The following MRC2 variants were observed in gnomAD, a reference collection of about 807,000 sequenced individuals.
MRC2 encodes mannose receptor C-type 2.
MRC2 carries 84 observed loss-of-function variants against 206.2 expected under a neutral mutation model. The ratio of observed to expected loss-of-function variants is 0.41; its 90% CI spans 0.34 to 0.49. The LOEUF is 0.49. MRC2 is among the 20% of genes least tolerant of loss of function. The pLI is 0.31. For synonymous variants in MRC2, 798 were observed against 800.0 expected (o/e 1.00, Z 0.04); for missense variants, 1,676 against 2,001.5 (o/e 0.84, Z 3.10).
rs1342350696 is a variant in MRC2 at position 62,664,436 on chromosome 17, C to T, written c.119-112C>T. 1.9e-5 allele frequency: 23 copies of T among 1,214,432 alleles called. No homozygotes were observed. The highest frequency in any genetic ancestry group is 6.7e-5 in the Admixed American group (3 of 44,984). 75.2% of individuals were successfully genotyped at this position (1,214,432 alleles called of 1,614,324 possible). A position where few individuals can be genotyped will look rare whatever the true frequency, so the allele number is the denominator to read the frequency against. ...ACCGAGTGATTTAACGTATGAGTGA[C>T]GGCTCACCATCCTGCACTGGGCACA... is the stretch of plus-strand genomic sequence containing the variant. On this transcript the variant is annotated intron_variant, in intron 1 of 29. Transcript: ENST00000303375. This position sits in a 1 kb window ranked among gnomAD's most constrained non-coding sequence, Gnocchi z 4.7.
intron 23 of MRC2, 115 bp downstream of exon 23, chr17:62,689,075 G>T: frequency 1.2e-6 from 1 of 813,524 alleles, no homozygotes. Flanking sequence ...GCTCTGCTTG[G>T]GAAGCAGATG....
At chr17:62,690,444 G>A (rs2089093176) in intron 26 of MRC2, 139 bp downstream of exon 26, 1 of 1,353,742 alleles carries the variant, frequency 7.4e-7, no homozygotes, top group Admixed American at 2.4e-5. Context: ...GCTCTCACAT[G>A]TGGAGACCAT....
intron 1 of MRC2, among the ~76,000 whole-genome samples, chr17:62,655,068 G>A (rs950180444): frequency 2.5e-4 from 38 of 152,230 alleles, no homozygotes; most frequent in Non-Finnish European, 5.0e-4. Flanking sequence ...GGCGGATCAC[G>A]AGGTCAGGAG....
chr17:62,681,112 G>A lies in MRC2; in HGVS notation c.2685G>A (p.Glu895=), dbSNP rs1429376117. 1 of 1,613,640 alleles carries A rather than the reference G, an allele frequency of 6.2e-7. No homozygotes were observed. The highest frequency in any genetic ancestry group is 1.7e-5 in the Admixed American group (1 of 60,028). Residue 895 remains glutamate (E), a synonymous_variant, in exon 18 of 30, where the codon GAG becomes GAA. Transcript: ENST00000303375. ...QHWWIGLHTS[E]SDGRFRWTDG... ...GGTGGATCGGCCTGCACACCTCTGA[G>A]AGCGATGGGCGCTTCAGGTAGGAAC...
At chr17:62,638,521 C>T (rs564384824) in intron 1 of MRC2, among the ~76,000 whole-genome samples, 1 of 151,784 alleles carries the variant, frequency 6.6e-6, no homozygotes, top group Admixed American at 6.6e-5. Context: ...GGGCGGATCA[C>T]GAGGTCAGGA....
At chr17:62,673,005 T>TAA (rs567007967) in intron 8 of MRC2, among the ~76,000 whole-genome samples, 2,701 of 126,128 alleles carry the variant, frequency 0.021, 81 homozygotes, top group African/African-American at 0.076. Context: ...AAAAAAAAAA[T>TAA]AAAATAAAAA....
chr17:62,680,307 A>G lies in MRC2; in HGVS notation c.2436A>G (p.Arg812=). 6.2e-7 allele frequency: 1 copy of G among 1,613,838 alleles called. No individual in the cohort carries two copies. The highest frequency in any genetic ancestry group is 8.5e-7 in the Non-Finnish European group (1 of 1,179,890). Residue 812 remains arginine (R), a splice_region_variant and synonymous_variant, in exon 15 of 30, where the codon AGA becomes AGG. Transcript: ENST00000303375. The surrounding 1 kb of genome is among the most constrained non-coding windows in gnomAD (Gnocchi z 4.8). ...TQLDWICKIP[R]GTDVREPDDS... Reference sequence around the variant, plus strand: ...TGGACTGGATCTGCAAGATCCCCAGAGGTTGGCCGGAGTGGCGCTGGGGGA... The same window carrying G: ...TGGACTGGATCTGCAAGATCCCCAGGGGTTGGCCGGAGTGGCGCTGGGGGA...
At position 62,680,891 on chromosome 17, in the gene MRC2, G is replaced by A; in HGVS notation, c.2565G>A (p.Trp855Ter). 6.2e-7 allele frequency: 1 copy of A among 1,613,162 alleles called. No individual in the cohort carries two copies. Among genetic ancestry groups the A allele is most frequent in the Non-Finnish European group, 8.5e-7 (1 of 1,179,920 alleles). The change falls in exon 17 of 30, where the codon TGG becomes TGA. Residue 855 changes from tryptophan to a stop codon, truncating the protein, a stop_gained. Coordinates refer to ENST00000303375, the MANE Select transcript of MRC2 (RefSeq NM_006039.5). LOFTEE classifies it high-confidence loss of function. The surrounding 1 kb of genome is among the most constrained non-coding windows in gnomAD (Gnocchi z 4.8). ...CGCAGGCGCAGCGCATCTGCACGTG[G>A]TTCCAGGCCGAGCTGACCTCGGTGC... ...TWAQAQRICTWFQAELTSVHS... is the reference protein window; with the variant it reads ...TWAQAQRICT
intron 1 of MRC2, among the ~76,000 whole-genome samples, chr17:62,634,258 G>T (rs186532093): frequency 6.6e-6 from 1 of 151,958 alleles, no homozygotes; most frequent in Admixed American, 6.6e-5. Context: ...ATGCCAATGC[G>T]TTATAATTAG....
At chr17:62,646,588 A>T (rs2088488839) in intron 1 of MRC2, among the ~76,000 whole-genome samples, 1 of 152,232 alleles carries the variant, frequency 6.6e-6, no homozygotes, top group Non-Finnish European at 1.5e-5. Flanking sequence ...CGTCAACTTC[A>T]TGCCTCTGAA....
chr17:62,651,923 G>A (rs2088560491), intron 1 of MRC2, among the ~76,000 whole-genome samples: 2 of 152,184 alleles, frequency 1.3e-5, no homozygotes, highest in Admixed American at 1.3e-4. Context: ...CATTCTGGTT[G>A]AATACATTTT....
rs1022615379 is a variant in MRC2, at chr17:62,676,978, T to A, written c.1835-291T>A. Among the ~76,000 whole-genome samples the A allele has an allele frequency of 2.6e-5, 4 of 152,394 alleles. No homozygotes were observed. The East Asian group carries it at 7.7e-4, about 29-fold the overall frequency. On this transcript the variant is annotated intron_variant, in intron 11 of 29. Transcript: ENST00000303375. The stretch of plus-strand genomic sequence containing the variant: ...GCTTGTTATTACTATTATTACCATT[T>A]CACATTCATTATCTTTCTAACCCCT...
rs1053379380 is a variant in MRC2 at position 62,658,617 on chromosome 17, T to C, written c.119-5931T>C. 4.7e-4 allele frequency among the ~76,000 whole-genome samples: 71 copies of C among 152,336 alleles called. 1 individual carries two copies. The highest frequency in any genetic ancestry group is 1.6e-3 in the African/African-American group (65 of 41,586). ...TACAACTGCTACAGCCCACCTGGCA[T>C]TGATTTAGCACACTTGTGGATTTTC... is the stretch of plus-strand genomic sequence containing the variant. On this transcript the variant is annotated intron_variant, in intron 1 of 29. Coordinates refer to ENST00000303375, the MANE Select transcript of MRC2 (RefSeq NM_006039.5).
At chr17:62,632,699 C>T (rs2088259516) in intron 1 of MRC2, among the ~76,000 whole-genome samples, 1 of 152,196 alleles carries the variant, frequency 6.6e-6, no homozygotes, top group Non-Finnish European at 1.5e-5. Flanking sequence ...TGGTCCCTGC[C>T]TCTTGGGCTG....
intron 1 of MRC2, among the ~76,000 whole-genome samples, chr17:62,634,786 C>T (rs2088291405): frequency 6.6e-6 from 1 of 151,938 alleles, no homozygotes; most frequent in Non-Finnish European, 1.5e-5. Context: ...TACCCAGCCC[C>T]TTTTAAAGAT....
intron 26 of MRC2, 49 bp from the exon 27 acceptor site, chr17:62,690,592 GC>G (rs11357719): frequency 0.96 from 1,473,763 of 1,532,956 alleles, 712,204 homozygotes; most frequent in Non-Finnish European, 0.98. Flanking sequence ...GGGGGACTCT[GC>G]CCCCCCCGGA....
At chr17:62,688,231 C>G in intron 20 of MRC2, 58 bp from the exon 21 acceptor site, 2 of 1,513,264 alleles carry the variant, frequency 1.3e-6, no homozygotes, top group Non-Finnish European at 1.8e-6. Flanking sequence ...AGTGGCCTTT[C>G]TGGGTTTGTG....
rs1258059391 is a variant in MRC2 at position 62,631,350 on chromosome 17, A to T, written c.118+3430A>T. ...CTCTGAGCAGGTGTCAGAGATTTGC[A>T]CACACCTGGCGTGAAAATGTTAAAG... On this transcript the variant is annotated intron_variant, in intron 1 of 29. Transcript: ENST00000303375. 2.0e-5 allele frequency among the ~76,000 whole-genome samples: 3 copies of T among 152,056 alleles called. No homozygotes were observed. The East Asian group carries it at 5.8e-4, about 29-fold the overall frequency.
At chr17:62,659,650 G>A (rs1161123794) in intron 1 of MRC2, among the ~76,000 whole-genome samples, 1 of 152,136 alleles carries the variant, frequency 6.6e-6, no homozygotes, top group Non-Finnish European at 1.5e-5. Flanking sequence ...CCAGAGATTA[G>A]CTGTGGCAGT....
Sources: allele counts gnomAD v4.1 joint callset (sites outside exome capture counted in the v4.1 genomes callset), GRCh38; gene constraint gnomAD v4.1.1; non-coding constraint Gnocchi (gnomAD v3.1); transcripts MANE v1.5; gene names NCBI Gene and HGNC (gene_info 2026-07-23, HGNC 2026-07-21).